Variants in ANLN observed in about 807,000 individuals in gnomAD.
ANLN encodes anillin, actin binding protein.
Under a neutral mutation model 135.1 loss-of-function variants are expected in ANLN, and 59 were observed. The ratio of observed to expected loss-of-function variants is 0.44; its 90% confidence interval spans 0.35 to 0.54. The LOEUF (loss-of-function observed/expected upper bound fraction) is 0.54, where lower values mean the gene tolerates loss of function less well. Among genes scored for constraint, ANLN ranks in the 20% least tolerant of loss-of-function variants. ANLN has a pLI of 0.00. For synonymous variants in ANLN, 406 were observed against 456.4 expected, an observed-to-expected ratio of 0.89 and a Z score of 1.41; for missense variants, 1,182 against 1,340.0, an observed-to-expected ratio of 0.88 and a Z score of 1.84.
At chr7:36,410,970 A>T in intron 6 of ANLN, 89 bp from the exon 7 acceptor site, 1 of 1,260,934 alleles carries the variant, frequency 7.9e-7, no homozygotes, top group Non-Finnish European at 1.1e-6. Context: ...TAAACAGTTT[A>T]AAACTGCAAA....
At position 36,401,589 on chromosome 7, in the gene ANLN, G is replaced by A. The variant is rs7806981; in HGVS notation, c.487+2196G>A. 7.8e-4 allele frequency among the ~76,000 whole-genome samples: 88 copies of A among 112,316 alleles called. 9 individuals carry two copies. The highest frequency in any genetic ancestry group is 4.1e-4 in the African/African-American group (11 of 26,868). The allele number at this position is 112,316 out of a possible 152,430, so 73.7% of individuals were successfully genotyped here. On this transcript the variant is annotated intron_variant, in intron 3 of 23. Coordinates refer to ENST00000265748, the MANE Select transcript of ANLN (RefSeq NM_018685.5). ...CCTGACCTCAGGTGATCCGCCTGCC[G>A]CGGCCTCCCAAAGTGCTGGGATTAT...
rs1437946662 is a variant in ANLN at position 36,443,764 on chromosome 7, G to C, written c.2980G>C (p.Glu994Gln). ...VEERGFLTIF[E>Q]DVSGFGAWHR... ...CAACTGACTTTTCCAGACCATATTT[G>C]AAGATGTTAGTGGTTTTGGTGCCTG... is the stretch of plus-strand genomic sequence containing the variant. Residue 994 changes from glutamate (E) to glutamine (Q), a missense_variant, in exon 22 of 24, where the codon GAA (glutamate) becomes CAA (glutamine). This residue lies in a region of ANLN where 82 missense variants were observed against 133.3 expected (regional missense o/e 0.62). Coordinates refer to ENST00000265748, the MANE Select transcript of ANLN (RefSeq NM_018685.5). 1 of 1,610,216 alleles carries C rather than the reference G, an allele frequency of 6.2e-7. No homozygotes were observed. Among genetic ancestry groups the C allele is most frequent in the Non-Finnish European group, 8.5e-7 (1 of 1,177,706 alleles).
Position 36,390,055 on chromosome 7 carries a change from T to A in ANLN, c.18+11T>A. 1 of 1,613,742 alleles carries A rather than the reference T, an allele frequency of 6.2e-7. No homozygotes were observed. The highest frequency in any genetic ancestry group is 8.5e-7 in the Non-Finnish European group (1 of 1,179,944). On this transcript the variant is annotated intron_variant, in intron 1 of 23. Coordinates refer to ENST00000265748, the MANE Select transcript of ANLN (RefSeq NM_018685.5). ...GATCCGTTTACGGAGGTGAGTGAGT[T>A]TGCGGGTGCAGCCAGCCATGACCCA...
rs766455876 is a variant in ANLN, at chr7:36,452,498, T to C, written c.3273T>C (p.Thr1091=). 1 of 1,614,058 alleles carries C rather than the reference T, an allele frequency of 6.2e-7. No individual in the cohort carries two copies. The highest frequency in any genetic ancestry group is 8.5e-7 in the Non-Finnish European group (1 of 1,179,916). The part of the protein sequence containing the change: ...CVTKNWLSAD[T]KEERDLWMQK... Reference sequence around the variant, plus strand: ...GTAGGAACTGGCTGTCTGCAGATACTAAAGAAGAGCGGGATCTCTGGATGC... The same window carrying C: ...GTAGGAACTGGCTGTCTGCAGATACCAAAGAAGAGCGGGATCTCTGGATGC... Residue 1091 remains threonine (T), a synonymous_variant, in exon 24 of 24, where the codon ACT becomes ACC. Transcript: ENST00000265748.
At chr7:36,442,917 A>G (rs572174980) in intron 21 of ANLN, among the ~76,000 whole-genome samples, 11 of 149,154 alleles carry the variant, frequency 7.4e-5, no homozygotes, top group Non-Finnish European at 1.3e-4. Context: ...GGTGTGAGCC[A>G]CTGCGCCTGG....
chr7:36,393,032 G>GT (rs59704676), intron 1 of ANLN, among the ~76,000 whole-genome samples: 18,497 of 144,818 alleles, frequency 0.13, 1,171 homozygotes, highest in East Asian at 0.19. Context: ...TTCTTTTTTC[G>GT]TTTTTTTTTT....
At chr7:36,402,365 G>A (rs186594879) in intron 3 of ANLN, among the ~76,000 whole-genome samples, 5 of 151,606 alleles carry the variant, frequency 3.3e-5, no homozygotes, top group African/African-American at 7.3e-5. Flanking sequence ...CACCCGCCTC[G>A]GCCTCCCAAA....
At chr7:36,429,635 G>A (rs1180220951) in intron 20 of ANLN, among the ~76,000 whole-genome samples, 1 of 152,104 alleles carries the variant, frequency 6.6e-6, no homozygotes, top group African/African-American at 2.4e-5. Context: ...TCTTAAAATA[G>A]GATTTGCAAA....
chr7:36,408,109 A>G (rs190532512), intron 5 of ANLN, among the ~76,000 whole-genome samples, 153 bp downstream of exon 5: 86 of 152,318 alleles, frequency 5.6e-4, no homozygotes, highest in African/African-American at 2.0e-3. Context: ...AGTTGATTCA[A>G]TGAATATTTA....
chr7:36,403,535 A>G (rs933123983), intron 3 of ANLN: 14 of 152,252 alleles, frequency 9.2e-5, no homozygotes, highest in African/African-American at 3.4e-4. Context: ...ACAATGGCAA[A>G]ACCAACTTCA....
chr7:36,395,891 A>G (rs964479041), intron 1 of ANLN, among the ~76,000 whole-genome samples: 2 of 152,088 alleles, frequency 1.3e-5, no homozygotes, highest in Non-Finnish European at 2.9e-5. Flanking sequence ...CCCAAACTGT[A>G]AAATCTCTTG....
intron 20 of ANLN, 110 bp from the exon 21 acceptor site, chr7:36,439,094 T>G: frequency 1.4e-6 from 1 of 727,426 alleles, no homozygotes; most frequent in Non-Finnish European, 2.4e-6. Context: ...CTTTAGAAAA[T>G]GCTCTGTTTT....
At chr7:36,419,183 G>T (rs1787768501) in intron 9 of ANLN, 61 bp from the exon 10 acceptor site, 5 of 1,228,332 alleles carry the variant, frequency 4.1e-6, no homozygotes, top group Admixed American at 3.9e-5. Flanking sequence ...AATTTTCTTT[G>T]TTATGCCTTT....
At chr7:36,396,508 A>C (rs1013376515) in intron 2 of ANLN, 89 bp downstream of exon 2, 10 of 1,322,198 alleles carry the variant, frequency 7.6e-6, no homozygotes, top group Non-Finnish European at 1.0e-5. Context: ...ATATAGAAGA[A>C]CCAAGCTCTT....
At chr7:36,439,070 C>CT in intron 20 of ANLN, 134 bp from the exon 21 acceptor site, 1 of 692,606 alleles carries the variant, frequency 1.4e-6, no homozygotes, top group Non-Finnish European at 2.6e-6. Flanking sequence ...TTGGCCATGT[C>CT]TTTTATACTC....
chr7:36,419,649 T>G (rs901670189), intron 10 of ANLN, among the ~76,000 whole-genome samples, 170 bp downstream of exon 10: 6 of 152,218 alleles, frequency 3.9e-5, no homozygotes, highest in African/African-American at 1.4e-4. Flanking sequence ...GTGGTTTCCT[T>G]TTGACCTTAG....
At chr7:36,402,862 C>T (rs1409865913) in intron 3 of ANLN, among the ~76,000 whole-genome samples, 1 of 152,154 alleles carries the variant, frequency 6.6e-6, no homozygotes, top group Admixed American at 6.5e-5. Context: ...CTGCAATACC[C>T]TTTATATACT....
intron 20 of ANLN, among the ~76,000 whole-genome samples, chr7:36,428,018 T>G (rs759510452): frequency 3.3e-5 from 5 of 152,202 alleles, no homozygotes; most frequent in African/African-American, 4.8e-5. Flanking sequence ...CCTTAGTGAT[T>G]TACTCTTTAA....
At chr7:36,426,179 A>T in intron 19 of ANLN, 143 bp downstream of exon 19, 1 of 662,924 alleles carries the variant, frequency 1.5e-6, no homozygotes, top group Non-Finnish European at 2.3e-6. Context: ...TGAGTTTCTT[A>T]GTAACAGGAT....
Sources: allele counts gnomAD v4.1 joint callset (sites outside exome capture counted in the v4.1 genomes callset), GRCh38; gene constraint gnomAD v4.1.1; regional missense constraint gnomAD v4.1.1; transcripts MANE v1.5; gene names NCBI Gene and HGNC (gene_info 2026-07-23, HGNC 2026-07-21).